Variants in ABHD2 observed in about 807,000 individuals in gnomAD.
ABHD2 encodes monoacylglycerol lipase ABHD2.
A neutral mutation model predicts 48.1 loss-of-function variants in ABHD2; 20 were observed. That is an observed-to-expected ratio of 0.42 (90% confidence interval 0.29 to 0.60). ABHD2 has a LOEUF of 0.60. ABHD2 is among the 20% of genes least tolerant of loss of function. The pLI is 0.24. For synonymous variants in ABHD2, 209 were observed against 214.2 expected, an observed-to-expected ratio of 0.98 and a Z score of 0.21; for missense variants, 405 against 550.9, an observed-to-expected ratio of 0.74 and a Z score of 2.65.
In ABHD2 at chr15:89,097,675, G is replaced by A. The variant is rs550009763; in HGVS notation, c.-107+9112G>A. Among the ~76,000 whole-genome samples the A allele has an allele frequency of 2.9e-4, 44 of 152,100 alleles. No individual in the cohort carries two copies. Among genetic ancestry groups the A allele is most frequent in the Non-Finnish European group, 5.3e-4 (36 of 68,020 alleles). The stretch of plus-strand genomic sequence containing the variant: ...ATTCATGTGTTATAACATTCAAAAG[G>A]TACAACATAGTAAAGAGTGGAAAAC... On this transcript the variant is annotated intron_variant, in intron 1 of 10. Transcript: ENST00000352732. This position sits in a 1 kb window ranked among gnomAD's most constrained non-coding sequence, Gnocchi z 4.2.
chr15:89,138,137 C>A (rs1369559114), intron 3 of ABHD2, among the ~76,000 whole-genome samples: 10 of 152,228 alleles, frequency 6.6e-5, no homozygotes. Flanking sequence ...GAGGCTCTGG[C>A]AGTTCAGGAT....
chr15:89,084,209 T>TAA (rs3049684), upstream of ABHD2, among the ~76,000 whole-genome samples: 551 of 138,782 alleles, frequency 4.0e-3, 15 homozygotes, highest in Admixed American at 0.029. This position sits in a 1 kb window ranked among gnomAD's most constrained non-coding sequence, Gnocchi z 4.4. Context: ...TTTGCTAGTG[T>TAA]AAAAAAAAAA....
At chr15:89,170,080 C>CTTTGTTTT (rs2050898616) in intron 5 of ABHD2, among the ~76,000 whole-genome samples, 1 of 37,484 alleles carries the variant, frequency 2.7e-5, no homozygotes, top group Non-Finnish European at 5.4e-5. Flanking sequence ...AGATCAGATT[C>CTTTGTTTT]TTTTTTTTTT....
intron 5 of ABHD2, among the ~76,000 whole-genome samples, chr15:89,158,030 C>T (rs2150899463): frequency 6.6e-6 from 1 of 151,936 alleles, no homozygotes; most frequent in East Asian, 1.9e-4. Flanking sequence ...ATTGTCTATA[C>T]AAGTAGAAGA....
chr15:89,046,388 G>C, the ABHD2 span, among the ~76,000 whole-genome samples: 1 of 151,960 alleles, frequency 6.6e-6, no homozygotes, highest in Non-Finnish European at 1.5e-5. Flanking sequence ...CCCGGCTTTG[G>C]TATCAGGATG....
chr15:89,059,338 T>C, the ABHD2 span, among the ~76,000 whole-genome samples: 1 of 152,148 alleles, frequency 6.6e-6, no homozygotes, highest in African/African-American at 2.4e-5. Context: ...TCTGACCACC[T>C]ACCTGCCTAG....
At chr15:89,044,356 A>G in the ABHD2 span, among the ~76,000 whole-genome samples, 4 of 152,204 alleles carry the variant, frequency 2.6e-5, no homozygotes, top group African/African-American at 7.2e-5. Flanking sequence ...TAATGCCGCA[A>G]TAAACATAGG....
At chr15:89,152,411 A>G (rs1306745298) in intron 4 of ABHD2, among the ~76,000 whole-genome samples, 1 of 152,222 alleles carries the variant, frequency 6.6e-6, no homozygotes, top group Non-Finnish European at 1.5e-5. Context: ...TGTGAAATAC[A>G]GAAGCTTGAT....
chr15:89,129,508 C>T (rs947632642), intron 3 of ABHD2, among the ~76,000 whole-genome samples: 3 of 152,000 alleles, frequency 2.0e-5, no homozygotes, highest in African/African-American at 7.2e-5. Flanking sequence ...AAACAAACAC[C>T]AGAGAAGGAA....
At position 89,120,507 on chromosome 15, in the gene ABHD2, T is replaced by C. The variant is rs1201449854; in HGVS notation, c.194+3986T>C. On this transcript the variant is annotated intron_variant, in intron 3 of 10. Coordinates refer to ENST00000352732, the MANE Select transcript of ABHD2 (RefSeq NM_152924.5). This position sits in a 1 kb window ranked among gnomAD's most constrained non-coding sequence, Gnocchi z 4.2. ...TTCTTTTTTCTTTTTTGAGACAGAG[T>C]CTCACTCTGTTGCCTAGGCTGGAGT... Among the ~76,000 whole-genome samples, 3 of 152,026 alleles carry C rather than the reference T, an allele frequency of 2.0e-5. No homozygotes were observed. Among genetic ancestry groups the C allele is most frequent in the Admixed American group, 6.6e-5 (1 of 15,254 alleles).
At chr15:89,117,035 A>AT (rs1168637221) in intron 3 of ABHD2, among the ~76,000 whole-genome samples, 4 of 151,192 alleles carry the variant, frequency 2.6e-5, no homozygotes, top group East Asian at 3.9e-4. Context: ...CCAGATCTGT[A>AT]TTTTTTTTTA....
chr15:89,136,129 G>C, intron 3 of ABHD2: 1 of 198,604 alleles, frequency 5.0e-6, no homozygotes, highest in Non-Finnish European at 1.0e-5. Flanking sequence ...GGCTTTCACT[G>C]TCTTGGCCAG....
chr15:89,123,071 A>T (rs2150828039), intron 3 of ABHD2, among the ~76,000 whole-genome samples: 1 of 152,338 alleles, frequency 6.6e-6, no homozygotes, highest in East Asian at 1.9e-4. Flanking sequence ...TATTAAAAAG[A>T]ACTGGACATT....
At chr15:89,145,346 A>G (rs961254168) in intron 3 of ABHD2, among the ~76,000 whole-genome samples, 1 of 152,244 alleles carries the variant, frequency 6.6e-6, no homozygotes, top group African/African-American at 2.4e-5. Flanking sequence ...AGAGAAGAAA[A>G]CAACATTTAA....
chr15:89,195,121 T>G lies in ABHD2; in HGVS notation c.1082-106T>G. ...AGTAGAGGTTGGATGCCCACTTAGGTGACCCTGCGGGGACAGCCAGGCTAC... is the reference window on the plus strand; with the variant it reads ...AGTAGAGGTTGGATGCCCACTTAGGGGACCCTGCGGGGACAGCCAGGCTAC... On this transcript the variant is annotated intron_variant, in intron 10 of 10. Transcript: ENST00000352732. This position sits in a 1 kb window ranked among gnomAD's most constrained non-coding sequence, Gnocchi z 5.1. 7.5e-7 allele frequency: 1 copy of G among 1,330,730 alleles called. No individual in the cohort carries two copies. Among genetic ancestry groups the G allele is most frequent in the Non-Finnish European group, 1.0e-6 (1 of 970,854 alleles). 82.4% of individuals were successfully genotyped at this position (1,330,730 alleles called of 1,614,324 possible). A position where few individuals can be genotyped will look rare whatever the true frequency, so the allele number is the denominator to read the frequency against.
chr15:89,064,532 T>G, the ABHD2 span, among the ~76,000 whole-genome samples: 1 of 152,236 alleles, frequency 6.6e-6, no homozygotes, highest in African/African-American at 2.4e-5. Flanking sequence ...CCGGCCAACA[T>G]TGTGTTCTTA....
At chr15:89,070,868 G>C in the ABHD2 span, among the ~76,000 whole-genome samples, 3 of 152,234 alleles carry the variant, frequency 2.0e-5, 1 homozygote, top group East Asian at 5.8e-4. Flanking sequence ...TGCCCCTGGA[G>C]GAAGGGGGTT....
Position 89,188,050 on chromosome 15 carries a change from G to T in ABHD2, c.816-143G>T. 1 of 639,814 alleles carries T rather than the reference G, an allele frequency of 1.6e-6. No individual in the cohort carries two copies. Among genetic ancestry groups the T allele is most frequent in the Non-Finnish European group, 2.8e-6 (1 of 360,474 alleles). 39.6% of individuals were successfully genotyped at this position (639,814 alleles called of 1,614,324 possible). On this transcript the variant is annotated intron_variant, in intron 7 of 10. Transcript: ENST00000352732. This position sits in a 1 kb window ranked among gnomAD's most constrained non-coding sequence, Gnocchi z 4.1. ...CATTAACAGCGCCAGCTCATCCTCTGGGACATTCCAAAGGCTAAAGGTTCT... is the reference window on the plus strand; with the variant it reads ...CATTAACAGCGCCAGCTCATCCTCTTGGACATTCCAAAGGCTAAAGGTTCT...
intron 1 of ABHD2, among the ~76,000 whole-genome samples, chr15:89,099,941 T>C (rs1200977677): frequency 6.6e-6 from 1 of 152,090 alleles, no homozygotes; most frequent in Admixed American, 6.6e-5. Context: ...ATACAGTGAT[T>C]TAAAGATAAC....
Sources: gnomAD v4.1 joint callset for allele counts (sites outside exome capture counted in the v4.1 genomes callset) on GRCh38, gnomAD v4.1.1 for gene constraint, Gnocchi (gnomAD v3.1) non-coding constraint, MANE v1.5 for transcripts, NCBI Gene and HGNC (gene_info 2026-07-23, HGNC 2026-07-21) for gene names.